The following CHEK2 variants were observed in gnomAD, a reference collection of about 807,000 sequenced individuals.
CHEK2 encodes the protein checkpoint kinase 2.
Under a neutral mutation model 69.1 loss-of-function variants are expected in CHEK2, and 71 were observed. The ratio of observed to expected loss-of-function variants is 1.03; its 90% confidence interval spans 0.85 to 1.25. The LOEUF (loss-of-function observed/expected upper bound fraction) is 1.25, where lower values mean the gene tolerates loss of function less well. Among genes scored for constraint, CHEK2 ranks in the 50% most tolerant of loss-of-function variants. The probability of loss-of-function intolerance (pLI) is 0.00; values close to 1 mark genes in which losing one functional copy is unlikely to be tolerated. For synonymous variants in CHEK2, 189 were observed against 226.9 expected, an observed-to-expected ratio of 0.83 and a Z score of 1.50; for missense variants, 664 against 649.6, an observed-to-expected ratio of 1.02 and a Z score of -0.24.
intron 1 of CHEK2, among the ~76,000 whole-genome samples, chr22:28,736,112 G>A (rs1317676710): frequency 2.0e-5 from 3 of 151,996 alleles, no homozygotes; most frequent in African/African-American, 7.2e-5. Context: ...TTTAAAGGAG[G>A]CTAGGCTAAA....
chr22:28,733,492 G>T (rs578133601), intron 2 of CHEK2, among the ~76,000 whole-genome samples: 2 of 152,262 alleles, frequency 1.3e-5, no homozygotes, highest in African/African-American at 2.4e-5. Flanking sequence ...ACCCAATACT[G>T]CCTCTTTGGT....
intron 5 of CHEK2, among the ~76,000 whole-genome samples, chr22:28,719,103 C>T (rs1055383090): frequency 1.3e-5 from 2 of 151,920 alleles, no homozygotes; most frequent in African/African-American, 2.4e-5. Flanking sequence ...GTGCTGCATG[C>T]CTGATCTCCC....
At chr22:28,727,563 A>G (rs933648471) in intron 2 of CHEK2, among the ~76,000 whole-genome samples, 4 of 152,208 alleles carry the variant, frequency 2.6e-5, no homozygotes, top group Non-Finnish European at 5.9e-5. Flanking sequence ...CAGGTAATTA[A>G]ATGTTCATTG....
chr22:28,732,142 G>A (rs750012046), intron 2 of CHEK2, among the ~76,000 whole-genome samples: 2 of 150,292 alleles, frequency 1.3e-5, no homozygotes, highest in African/African-American at 2.5e-5. Context: ...ATGGAGTTTC[G>A]CTCTTGTTGC....
chr22:28,741,748 G>C, intron 1 of CHEK2, 21 bp downstream of exon 1: 1 of 364,598 alleles, frequency 2.7e-6, no homozygotes. Flanking sequence ...ACACCCAACA[G>C]AAGTTCCCCA....
rs1555921253 is a variant in CHEK2 at position 28,711,984 on chromosome 22, C to T, written c.717G>A (p.Glu239=). The part of the protein sequence containing the change: ...GACGEVKLAF[E]RKTCKKVAIK... Reference sequence around the variant, plus strand: ...TGGCTACTTTCTTACATGTTTTCCTCTCGAAAGCCAGCTTTACCTCTCCAC... The same window carrying T: ...TGGCTACTTTCTTACATGTTTTCCTTTCGAAAGCCAGCTTTACCTCTCCAC... Residue 239 remains glutamate, a synonymous_variant, in exon 6 of 15, where the codon GAG becomes GAA. Transcript: ENST00000404276. 2 of 1,613,864 alleles carry T rather than the reference C, an allele frequency of 1.2e-6. No individual in the cohort carries two copies. Among genetic ancestry groups the T allele is most frequent in the Non-Finnish European group, 1.7e-6 (2 of 1,179,964 alleles).
chr22:28,738,030 A>C (rs914590836), intron 1 of CHEK2: 2 of 152,186 alleles, frequency 1.3e-5, no homozygotes, highest in African/African-American at 4.8e-5. Flanking sequence ...CCATGGTGAA[A>C]TCCAGTATCT....
chr22:28,708,360 A>AGTGTGTGTGT (rs1569135152), intron 7 of CHEK2, among the ~76,000 whole-genome samples: 16 of 51,624 alleles, frequency 3.1e-4, no homozygotes, highest in Non-Finnish European at 9.5e-4. Context: ...TGTCTCTAAA[A>AGTGTGTGTGT]ATATGTGTGT....
At chr22:28,705,617 CAT>C (rs2053090923) in intron 7 of CHEK2, among the ~76,000 whole-genome samples, 1 of 152,018 alleles carries the variant, frequency 6.6e-6, no homozygotes, top group African/African-American at 2.4e-5. Context: ...TAGGGATACA[CAT>C]ATATGTGGCT....
intron 2 of CHEK2, among the ~76,000 whole-genome samples, chr22:28,725,775 G>A (rs2053981428): frequency 6.6e-6 from 1 of 152,214 alleles, no homozygotes; most frequent in Non-Finnish European, 1.5e-5. Flanking sequence ...AGGGTGTGGT[G>A]GTGGGTCCCT....
At position 28,707,504 on chromosome 22, in the gene CHEK2, T is replaced by C. The variant is rs149872803; in HGVS notation, c.846+2502A>G. ...AAGTGAGGGAAGGGAAGGACAGCAA[T>C]ATCTGTGCTTACCACTGCCGGGGTC... On this transcript the variant is annotated intron_variant, in intron 7 of 14. Coordinates refer to ENST00000404276, the MANE Select transcript of CHEK2 (RefSeq NM_007194.4). Among the ~76,000 whole-genome samples, 1,009 of 152,276 alleles carry C rather than the reference T, an allele frequency of 6.6e-3. 17 individuals carry two copies. The highest frequency in any genetic ancestry group is 0.031 in the Admixed American group (474 of 15,298).
chr22:28,715,397 T>TTTTACTTA (rs2053555012), intron 5 of CHEK2, among the ~76,000 whole-genome samples: 1 of 148,956 alleles, frequency 6.7e-6, no homozygotes, highest in African/African-American at 2.5e-5. Context: ...TTATTTTTAT[T>TTTTACTTA]TTTATTTATT....
At chr22:28,722,927 T>C (rs1470265015) in intron 4 of CHEK2, among the ~76,000 whole-genome samples, 2 of 152,126 alleles carry the variant, frequency 1.3e-5, no homozygotes, top group African/African-American at 2.4e-5. Flanking sequence ...AGAGTGCTTA[T>C]ATGAACCTTT....
At chr22:28,730,908 A>C (rs1049795746) in intron 2 of CHEK2, among the ~76,000 whole-genome samples, 1 of 152,152 alleles carries the variant, frequency 6.6e-6, no homozygotes, top group African/African-American at 2.4e-5. Flanking sequence ...AATTAAACAT[A>C]AGAGCTAAAA....
At chr22:28,729,540 C>CAAAAAA (rs58149342) in intron 2 of CHEK2, among the ~76,000 whole-genome samples, 13 of 83,058 alleles carry the variant, frequency 1.6e-4, no homozygotes, top group Admixed American at 3.2e-4. Flanking sequence ...GACTCCATCT[C>CAAAAAA]AAAAAAAAAA....
At chr22:28,709,839 C>T (rs1199181659) in intron 7 of CHEK2, among the ~76,000 whole-genome samples, 167 bp downstream of exon 7, 1 of 152,160 alleles carries the variant, frequency 6.6e-6, no homozygotes, top group Non-Finnish European at 1.5e-5. Flanking sequence ...TGGTCTCAAA[C>T]TCCTGACCTC....
chr22:28,689,100 A>C (rs756624380), intron 14 of CHEK2, 35 bp downstream of exon 14: 1 of 1,427,352 alleles, frequency 7.0e-7, no homozygotes, highest in South Asian at 1.1e-5. Flanking sequence ...CCTTAAGCCC[A>C]GACTACATTT....
chr22:28,731,721 G>T (rs2054222811), intron 2 of CHEK2, among the ~76,000 whole-genome samples: 1 of 152,070 alleles, frequency 6.6e-6, no homozygotes, highest in South Asian at 2.1e-4. Context: ...GGAGAATGGG[G>T]TCTCGCTATA....
Position 28,694,083 on chromosome 22 carries a change from A to G in CHEK2, c.1410T>C (p.Asp470=), listed in dbSNP as rs864622382. ...LDLVKKLLVV[D]PKARFTTEEA... is the part of the protein sequence containing the mutation. ...CTTCTGTCGTAAAACGTGCCTTTGG[A>G]TCCACTACCAACAACTTCTTGACAA... is the stretch of plus-strand genomic sequence containing the variant. Residue 470 remains aspartate (D), a synonymous_variant, in exon 13 of 15, where the codon GAT becomes GAC. Coordinates refer to ENST00000404276, the MANE Select transcript of CHEK2 (RefSeq NM_007194.4). 4.4e-6 allele frequency: 7 copies of G among 1,595,938 alleles called. No homozygotes were observed. Among genetic ancestry groups the G allele is most frequent in the Non-Finnish European group, 5.9e-6 (7 of 1,179,540 alleles).
Sources: gnomAD v4.1 joint callset for allele counts (sites outside exome capture counted in the v4.1 genomes callset) on GRCh38, gnomAD v4.1.1 for gene constraint, MANE v1.5 for transcripts, NCBI Gene and HGNC (gene_info 2026-07-23, HGNC 2026-07-21) for gene names.